Variants in LRP1B observed in about 807,000 individuals in gnomAD.
LRP1B encodes LDL receptor related protein 1B.
LRP1B carries 217 observed loss-of-function variants against 556.6 expected under a neutral mutation model. The ratio of observed to expected loss-of-function variants is 0.39; its 90% CI spans 0.35 to 0.44. The LOEUF (loss-of-function observed/expected upper bound fraction) is 0.44. LRP1B is among the 20% of genes least tolerant of loss of function. The pLI, the probability that LRP1B is intolerant of heterozygous loss-of-function variation, is 1.00. For synonymous variants in LRP1B, 2,047 were observed against 1,865.8 expected (o/e 1.10, Z -2.50); for missense variants, 5,053 against 5,620.8 (o/e 0.90, Z 3.23).
intron 49 of LRP1B, among the ~76,000 whole-genome samples, chr2:140,519,221 C>T (rs1690050095): frequency 6.6e-6 from 1 of 152,130 alleles, no homozygotes; most frequent in African/African-American, 2.4e-5. Context: ...TACTACAAGG[C>T]CACAGTAACC....
intron 3 of LRP1B, among the ~76,000 whole-genome samples, chr2:141,339,048 A>G (rs1454909068): frequency 1.3e-5 from 2 of 151,190 alleles, no homozygotes; most frequent in Non-Finnish European, 3.0e-5. Context: ...TCCCTACTTC[A>G]CTTGGCCAAC....
chr2:141,231,137 C>T (rs1389345487), intron 5 of LRP1B, among the ~76,000 whole-genome samples: 1 of 152,310 alleles, frequency 6.6e-6, no homozygotes, highest in East Asian at 1.9e-4. Flanking sequence ...TTTGACCATT[C>T]TATAAGAAAC....
At chr2:141,626,207 T>G (rs1688696645) in intron 2 of LRP1B, among the ~76,000 whole-genome samples, 1 of 152,090 alleles carries the variant, frequency 6.6e-6, no homozygotes, top group African/African-American at 2.4e-5. Flanking sequence ...GGCAATACAA[T>G]AGAGAAAAGA....
chr2:141,047,227 G>A (rs1055717148), intron 11 of LRP1B, among the ~76,000 whole-genome samples: 6 of 152,010 alleles, frequency 3.9e-5, no homozygotes, highest in Non-Finnish European at 7.4e-5. Context: ...GACAGCCTCT[G>A]TCACATCCAA....
At chr2:141,931,650 T>A (rs1368043815) in intron 1 of LRP1B, among the ~76,000 whole-genome samples, 2 of 152,008 alleles carry the variant, frequency 1.3e-5, no homozygotes, top group East Asian at 1.9e-4. Context: ...GTTTAAAAAA[T>A]TTTTCATTTA....
At position 140,526,354 on chromosome 2, in the gene LRP1B, G is replaced by C. The variant is rs1690434617; in HGVS notation, c.7763-4C>G. 1 of 1,573,562 alleles carries C rather than the reference G, an allele frequency of 6.4e-7. No homozygotes were observed. The highest frequency in any genetic ancestry group is 8.7e-7 in the Non-Finnish European group (1 of 1,144,188). On this transcript the variant is annotated splice_polypyrimidine_tract_variant and splice_region_variant and intron_variant, in intron 47 of 90. Coordinates refer to ENST00000389484, the MANE Select transcript of LRP1B (RefSeq NM_018557.3). ...TCAACCGTGGCACAGGTTGAAACTA[G>C]AAAAACAGGTACATAAACAAATGCA...
chr2:141,415,025 T>TTTG (rs80012486), intron 3 of LRP1B, among the ~76,000 whole-genome samples: 14,206 of 152,184 alleles, frequency 0.093, 969 homozygotes, highest in Non-Finnish European at 0.14. Flanking sequence ...TTTGTTTTGT[T>TTTG]TTGTTTTGAG....
At chr2:141,110,344 AC>A (rs1293322304) in intron 7 of LRP1B, among the ~76,000 whole-genome samples, 1 of 152,132 alleles carries the variant, frequency 6.6e-6, no homozygotes, top group East Asian at 1.9e-4. Context: ...ATTATCACAA[AC>A]TAATACTGGG....
At chr2:140,546,804 A>G (rs1487950846) in intron 43 of LRP1B, among the ~76,000 whole-genome samples, 1 of 152,134 alleles carries the variant, frequency 6.6e-6, no homozygotes, top group African/African-American at 2.4e-5. Context: ...TGGATTTGTC[A>G]TAGATGGTTC....
Position 141,537,906 on chromosome 2 carries a change from T to C in LRP1B, c.206-57373A>G, listed in dbSNP as rs1685120833. 2.6e-5 allele frequency among the ~76,000 whole-genome samples: 4 copies of C among 152,158 alleles called. No individual in the cohort carries two copies. In the South Asian group the frequency reaches 8.3e-4, roughly 31 times the overall value. ...ACTCCATAACAATCCTCTTGTGGAA[T>C]TCCACCCATAACACTGTGTCTCATC... On this transcript the variant is annotated intron_variant, in intron 2 of 90. Coordinates refer to ENST00000389484, the MANE Select transcript of LRP1B (RefSeq NM_018557.3).
At chr2:141,692,730 G>C (rs1465348922) in intron 2 of LRP1B, among the ~76,000 whole-genome samples, 2 of 151,962 alleles carry the variant, frequency 1.3e-5, no homozygotes, top group Non-Finnish European at 2.9e-5. Flanking sequence ...AGATGGTGCA[G>C]CCTACTACAC....
intron 41 of LRP1B, among the ~76,000 whole-genome samples, chr2:140,672,869 T>G (rs967105041): frequency 6.6e-6 from 1 of 152,202 alleles, no homozygotes; most frequent in East Asian, 1.9e-4. Context: ...GATAATTCCA[T>G]CCTTATTTTT....
At chr2:140,625,548 C>A (rs953192127) in intron 41 of LRP1B, among the ~76,000 whole-genome samples, 1 of 152,050 alleles carries the variant, frequency 6.6e-6, no homozygotes, top group Admixed American at 6.5e-5. Context: ...AAAATGAACA[C>A]CTGACTTAAA....
chr2:140,442,308 A>C (rs1686463919), intron 66 of LRP1B, among the ~76,000 whole-genome samples, 196 bp downstream of exon 66: 1 of 152,176 alleles, frequency 6.6e-6, no homozygotes, highest in Non-Finnish European at 1.5e-5. Context: ...AGGAATACTT[A>C]CTCTTCCATC....
chr2:141,082,672 C>T (rs1699953959), intron 7 of LRP1B, among the ~76,000 whole-genome samples: 1 of 152,152 alleles, frequency 6.6e-6, no homozygotes. Context: ...TTACCATAAT[C>T]CATGATCAGG....
At chr2:141,801,578 C>T (rs765267195) in intron 2 of LRP1B, among the ~76,000 whole-genome samples, 8 of 152,148 alleles carry the variant, frequency 5.3e-5, no homozygotes, top group Non-Finnish European at 7.3e-5. Context: ...TTTGGAGCAA[C>T]CCATCATCTA....
rs549253418 is a variant in LRP1B, at chr2:141,413,035, T to A, written c.343+67361A>T. On this transcript the variant is annotated intron_variant, in intron 3 of 90. Coordinates refer to ENST00000389484, the MANE Select transcript of LRP1B (RefSeq NM_018557.3). ...TAAGGCTAGGAGTTCAGTAACAGCC[T>A]GGACAGCACAGTGAGACCCCATCTC... Among the ~76,000 whole-genome samples, 6 of 152,202 alleles carry A rather than the reference T, an allele frequency of 3.9e-5. No homozygotes were observed. In the South Asian group the frequency reaches 1.2e-3, roughly 32 times the overall value.
chr2:141,136,557 C>A (rs376730816), intron 7 of LRP1B, among the ~76,000 whole-genome samples: 46 of 145,690 alleles, frequency 3.2e-4, no homozygotes, highest in East Asian at 2.0e-3. Flanking sequence ...ATTCATTATT[C>A]GAAACAATTT....
intron 3 of LRP1B, among the ~76,000 whole-genome samples, chr2:141,457,858 T>C (rs1175937934): frequency 6.6e-6 from 1 of 152,064 alleles, no homozygotes; most frequent in Non-Finnish European, 1.5e-5. Flanking sequence ...CTTGGGGGCT[T>C]CTGGGGTACA....
Sources: allele counts gnomAD v4.1 joint callset (sites outside exome capture counted in the v4.1 genomes callset), GRCh38; gene constraint gnomAD v4.1.1; transcripts MANE v1.5; gene names NCBI Gene and HGNC (gene_info 2026-07-23, HGNC 2026-07-21).